The following UNC5C variants were observed in gnomAD, a reference collection of about 807,000 sequenced individuals.
UNC5C encodes unc-5 netrin receptor C.
A neutral mutation model predicts 99.8 loss-of-function variants in UNC5C; 47 were observed. That is an observed-to-expected ratio of 0.47 (90% confidence interval 0.37 to 0.60). The LOEUF is 0.60. Ranked by LOEUF, UNC5C falls within the 20% of genes least tolerant of loss-of-function variation. The pLI, the probability that UNC5C is intolerant of heterozygous loss-of-function variation, is 0.00. For synonymous variants in UNC5C, 487 were observed against 452.2 expected, an observed-to-expected ratio of 1.08 and a Z score of -0.98; for missense variants, 1,062 against 1,165.9, an observed-to-expected ratio of 0.91 and a Z score of 1.30.
intron 1 of UNC5C, among the ~76,000 whole-genome samples, chr4:95,535,964 A>G (rs1440289933): frequency 6.6e-6 from 1 of 151,864 alleles, no homozygotes; most frequent in Non-Finnish European, 1.5e-5. Flanking sequence ...AAGTTATTAA[A>G]GACTATTTTA....
rs1181171024 is a variant in UNC5C, at chr4:95,493,662, A to T, written c.124+55072T>A. 8.6e-5 allele frequency among the ~76,000 whole-genome samples: 13 copies of T among 151,340 alleles called. No individual in the cohort carries two copies. The Admixed American group carries it at 8.6e-4, about 10-fold the overall frequency. On this transcript the variant is annotated intron_variant, in intron 1 of 15. Coordinates refer to ENST00000453304, the MANE Select transcript of UNC5C (RefSeq NM_003728.4). ...TAAGTGTGCTTAAGTACTCATTTCT[A>T]ACTGTGTACTGTGGGGCAAAAGTTG...
rs150900256 is a variant in UNC5C, at chr4:95,170,322, C to T, written c.2462G>A (p.Gly821Asp). 5.8e-5 allele frequency: 94 copies of T among 1,613,852 alleles called. No homozygotes were observed. The highest frequency in any genetic ancestry group is 7.4e-5 in the Non-Finnish European group (87 of 1,179,896). The change falls in exon 15 of 16, where the codon GGC (glycine) becomes GAC (aspartate). Residue 821 changes from glycine to aspartate, a missense_variant. Coordinates refer to ENST00000453304, the MANE Select transcript of UNC5C (RefSeq NM_003728.4). ...AGGATCCAGCAGCGGCAAATCGATG[C>T]CAGTAGGTTCCTGTAGTTCAGGGAC... ...LNCTVSEEPTGIDLPLLDPAN... is the reference protein window; with the variant it reads ...LNCTVSEEPTDIDLPLLDPAN...
intron 1 of UNC5C, among the ~76,000 whole-genome samples, chr4:95,470,506 T>C (rs1008186893): frequency 1.3e-5 from 2 of 151,964 alleles, no homozygotes; most frequent in Admixed American, 1.3e-4. Flanking sequence ...AGATATAGCC[T>C]TGGAAGGGGC....
intron 3 of UNC5C, among the ~76,000 whole-genome samples, chr4:95,298,825 G>A (rs570222516): frequency 5.3e-5 from 8 of 152,222 alleles, no homozygotes; most frequent in Admixed American, 2.0e-4. Context: ...TCTTCACTTA[G>A]TATTTGTCTA....
chr4:95,174,343 A>G (rs530291678), intron 14 of UNC5C, among the ~76,000 whole-genome samples: 474 of 151,930 alleles, frequency 3.1e-3, no homozygotes, highest in African/African-American at 0.011. Context: ...TAGGGTGTCA[A>G]TTTTGGATCT....
At chr4:95,310,673 TC>T (rs1168650120) in intron 2 of UNC5C, among the ~76,000 whole-genome samples, 3 of 151,872 alleles carry the variant, frequency 2.0e-5, no homozygotes, top group Non-Finnish European at 4.4e-5. Context: ...TTGACTCAAT[TC>T]CTTTTTATGG....
chr4:95,175,109 C>T (rs1317579033), intron 14 of UNC5C, among the ~76,000 whole-genome samples: 10 of 151,996 alleles, frequency 6.6e-5, no homozygotes, highest in Non-Finnish European at 1.0e-4. Flanking sequence ...GGTCTTCCTC[C>T]ATCCTTTTAT....
intron 1 of UNC5C, among the ~76,000 whole-genome samples, chr4:95,369,404 T>C (rs1744679428): frequency 6.6e-6 from 1 of 151,250 alleles, no homozygotes; most frequent in African/African-American, 2.4e-5. Flanking sequence ...ATATAAAAAT[T>C]AGCTGGGTGT....
Position 95,231,780 on chromosome 4 carries a change from A to G in UNC5C, c.1108+10649T>C, listed in dbSNP as rs957464721. On this transcript the variant is annotated intron_variant, in intron 7 of 15. Coordinates refer to ENST00000453304, the MANE Select transcript of UNC5C (RefSeq NM_003728.4). ...TGATGTCAAAGGTCAGGTCTGTCAAAGACACCCAGGGTCATTTATTATAAT... is the reference window on the plus strand; with the variant it reads ...TGATGTCAAAGGTCAGGTCTGTCAAGGACACCCAGGGTCATTTATTATAAT... 2.9e-4 allele frequency among the ~76,000 whole-genome samples: 44 copies of G among 152,320 alleles called. 1 individual carries two copies. The highest frequency in any genetic ancestry group is 3.4e-3 in the Middle Eastern group (1 of 292).
In UNC5C at chr4:95,268,922, TA is replaced by T. The variant is rs1740553182; in HGVS notation, c.594+9336del. Among the ~76,000 whole-genome samples, 3 of 152,198 alleles carry T rather than the reference TA, an allele frequency of 2.0e-5. No individual in the cohort carries two copies. The South Asian group carries it at 6.2e-4, about 31-fold the overall frequency. On this transcript the variant is annotated intron_variant, in intron 4 of 15. Transcript: ENST00000453304. ...CTAGAATCCTTGTCTATAGGTACAT[TA>T]ATCAAACAAATGGGAAAAGCAATTA...
intron 1 of UNC5C, among the ~76,000 whole-genome samples, chr4:95,384,414 G>A (rs918679117): frequency 2.6e-5 from 4 of 152,128 alleles, no homozygotes; most frequent in African/African-American, 4.8e-5. Context: ...CATGTTTTGC[G>A]GAACCTTGAA....
intron 1 of UNC5C, among the ~76,000 whole-genome samples, chr4:95,475,092 G>A (rs1487808435): frequency 6.6e-6 from 1 of 152,072 alleles, no homozygotes; most frequent in Non-Finnish European, 1.5e-5. Context: ...CTCCATCTAT[G>A]AGTGGTCCTA....
At chr4:95,222,325 G>T in intron 7 of UNC5C, 1 of 792,824 alleles carries the variant, frequency 1.3e-6, no homozygotes. Context: ...ATGAGGGAAA[G>T]AAAATAGGAA....
At chr4:95,302,151 TA>T (rs1218946948) in intron 2 of UNC5C, among the ~76,000 whole-genome samples, 1 of 152,214 alleles carries the variant, frequency 6.6e-6, no homozygotes, top group Non-Finnish European at 1.5e-5. Context: ...TTTACAAAGC[TA>T]AAACCAACAG....
intron 2 of UNC5C, among the ~76,000 whole-genome samples, chr4:95,321,376 A>G (rs1015363292): frequency 6.6e-6 from 1 of 152,106 alleles, no homozygotes; most frequent in Non-Finnish European, 1.5e-5. Flanking sequence ...TGTAAGTCAG[A>G]AAAAGAATGA....
At chr4:95,240,906 G>T (rs1390508288) in intron 7 of UNC5C, among the ~76,000 whole-genome samples, 2 of 152,122 alleles carry the variant, frequency 1.3e-5, no homozygotes, top group Non-Finnish European at 2.9e-5. Flanking sequence ...TGTATTCCTT[G>T]TTAAAGAGGT....
At chr4:95,331,617 C>G (rs1743116179) in intron 2 of UNC5C, among the ~76,000 whole-genome samples, 1 of 152,042 alleles carries the variant, frequency 6.6e-6, no homozygotes, top group South Asian at 2.1e-4. Flanking sequence ...TAAATCTTCT[C>G]TTAGTTCTCA....
At chr4:95,404,772 C>T (rs962635896) in intron 1 of UNC5C, among the ~76,000 whole-genome samples, 1 of 152,196 alleles carries the variant, frequency 6.6e-6, no homozygotes, top group South Asian at 2.1e-4. Context: ...CCACCATGCC[C>T]TCTATCCTGC....
chr4:95,301,543 G>T (rs771218833), intron 3 of UNC5C, 63 bp downstream of exon 3: 2 of 1,606,088 alleles, frequency 1.2e-6, no homozygotes, highest in Non-Finnish European at 1.7e-6. Context: ...TAGTCACAGT[G>T]TAAACTTTCC....
Sources: gnomAD v4.1 joint callset for allele counts (sites outside exome capture counted in the v4.1 genomes callset) on GRCh38, gnomAD v4.1.1 for gene constraint, MANE v1.5 for transcripts, NCBI Gene and HGNC (gene_info 2026-07-23, HGNC 2026-07-21) for gene names.